Variants in TNFRSF11B observed in about 807,000 individuals in gnomAD.
TNFRSF11B encodes the protein TNF receptor superfamily member 11b, also known as tumor necrosis factor receptor superfamily member 11B.
Under a neutral mutation model 43.4 loss-of-function variants are expected in TNFRSF11B, and 16 were observed. The observed-to-expected ratio is 0.37, with a 90% confidence interval of 0.25 to 0.56. The LOEUF (loss-of-function observed/expected upper bound fraction) is 0.56. Among genes scored for constraint, TNFRSF11B ranks in the 20% least tolerant of loss-of-function variants. TNFRSF11B has a pLI of 0.80. For synonymous variants in TNFRSF11B, 185 were observed against 181.8 expected (o/e 1.02, Z -0.14); for missense variants, 444 against 490.1 (o/e 0.91, Z 0.89).
chr8:118,927,000 C>T (rs1812254601), intron 3 of TNFRSF11B, among the ~76,000 whole-genome samples: 1 of 151,928 alleles, frequency 6.6e-6, no homozygotes, highest in South Asian at 2.1e-4. Flanking sequence ...TAAGTAACAG[C>T]CAAAAATTCT....
At chr8:118,926,084 G>T (rs746098937) in intron 4 of TNFRSF11B, among the ~76,000 whole-genome samples, 4 of 152,148 alleles carry the variant, frequency 2.6e-5, no homozygotes, top group Non-Finnish European at 5.9e-5. Context: ...TACCTGGAGA[G>T]AATTACCAAG....
intron 3 of TNFRSF11B, among the ~76,000 whole-genome samples, chr8:118,927,032 C>T (rs1324342331): frequency 2.0e-5 from 3 of 152,040 alleles, no homozygotes; most frequent in African/African-American, 7.3e-5. Flanking sequence ...CAAACATTAA[C>T]ATTCTATTAA....
chr8:118,946,262 T>C (rs1812559724), intron 1 of TNFRSF11B, among the ~76,000 whole-genome samples: 1 of 152,184 alleles, frequency 6.6e-6, no homozygotes, highest in Non-Finnish European at 1.5e-5. Context: ...TAGACTGTTC[T>C]AGCCTCAGAA....
chr8:118,929,966 A>G (rs1812303646), intron 2 of TNFRSF11B, among the ~76,000 whole-genome samples: 1 of 152,212 alleles, frequency 6.6e-6, no homozygotes, highest in South Asian at 2.1e-4. Flanking sequence ...TCTTTTACCA[A>G]AACCAGAAAA....
At chr8:118,928,987 C>A (rs1812287908) in intron 2 of TNFRSF11B, 58 bp from the exon 3 acceptor site, 2 of 1,508,950 alleles carry the variant, frequency 1.3e-6, no homozygotes, top group South Asian at 2.3e-5. Flanking sequence ...CCAGCAGATG[C>A]CCTCTTAACA....
At position 118,923,990 on chromosome 8, in the gene TNFRSF11B, G is replaced by GA. The variant is rs1433419185; in HGVS notation, c.*383dup. ...TACAGATATATTAGTAACTTTTACAGAAAAAAATATGGCTTTCTAATAAAA... is the reference window on the plus strand; with the variant it reads ...TACAGATATATTAGTAACTTTTACAGAAAAAAAATATGGCTTTCTAATAAAA... On this transcript the variant is annotated 3_prime_UTR_variant, in exon 5 of 5. Transcript: ENST00000297350. The GA allele has an allele frequency of 1.7e-5, 3 of 180,618 alleles. No homozygotes were observed. Among genetic ancestry groups the GA allele is most frequent in the South Asian group, 1.2e-4 (1 of 8,554 alleles). 11.2% of individuals were successfully genotyped at this position (180,618 alleles called of 1,614,324 possible).
rs768958012 is a variant in TNFRSF11B at position 118,924,373 on chromosome 8, G to A, written c.*1C>T. Reference sequence around the variant, plus strand: ...GGAAACAGCTCAATGGCCATTTCCAGTTATAAGCAGCTTATTTTTACTGAT... The same window carrying A: ...GGAAACAGCTCAATGGCCATTTCCAATTATAAGCAGCTTATTTTTACTGAT... On this transcript the variant is annotated 3_prime_UTR_variant, in exon 5 of 5. Transcript: ENST00000297350. 4.3e-6 allele frequency: 7 copies of A among 1,613,934 alleles called. No homozygotes were observed. The African/African-American group carries it at 6.7e-5, about 15-fold the overall frequency.
intron 1 of TNFRSF11B, among the ~76,000 whole-genome samples, chr8:118,936,637 T>C (rs551004731): frequency 6.6e-6 from 1 of 152,146 alleles, no homozygotes; most frequent in South Asian, 2.1e-4. Flanking sequence ...AATAAAACCT[T>C]AAAAATTCAT....
At chr8:118,948,219 G>A (rs1168048442) in intron 1 of TNFRSF11B, among the ~76,000 whole-genome samples, 1 of 152,036 alleles carries the variant, frequency 6.6e-6, no homozygotes, top group Non-Finnish European at 1.5e-5. Context: ...CATCAGTCAA[G>A]GCTTTAATGC....
chr8:118,950,058 T>C (rs572493454), intron 1 of TNFRSF11B, among the ~76,000 whole-genome samples: 6 of 152,234 alleles, frequency 3.9e-5, no homozygotes, highest in Non-Finnish European at 8.8e-5. Context: ...ATCTACATGT[T>C]TGTCTATCTT....
chr8:118,943,038 G>A (rs189426305), intron 1 of TNFRSF11B, among the ~76,000 whole-genome samples: 74 of 151,416 alleles, frequency 4.9e-4, no homozygotes, highest in East Asian at 2.5e-3. Context: ...TTCCTCTCTC[G>A]TCCTAAAATA....
At chr8:118,929,219 A>G in intron 2 of TNFRSF11B, 1 of 460,666 alleles carries the variant, frequency 2.2e-6, no homozygotes, top group Non-Finnish European at 4.0e-6. Flanking sequence ...GGTGTTCATT[A>G]GTCCAGCCTC....
intron 1 of TNFRSF11B, among the ~76,000 whole-genome samples, chr8:118,936,897 G>C (rs751028358): frequency 2.0e-5 from 3 of 152,158 alleles, no homozygotes; most frequent in Non-Finnish European, 4.4e-5. Flanking sequence ...TTCTTTCTGT[G>C]TTCTTTCTTT....
At position 118,926,528 on chromosome 8, in the gene TNFRSF11B, G is replaced by T. The variant is rs61761330; in HGVS notation, c.783C>A (p.Asn261Lys). 3.1e-6 allele frequency: 5 copies of T among 1,613,972 alleles called. No homozygotes were observed. In the East Asian group the frequency reaches 1.1e-4, roughly 36 times the overall value. ...FQLLKLWKHQ[N>K]KDQDIVKKII... Reference sequence around the variant, plus strand: ...TCTTCTTGACTATATCTTGGTCTTTGTTTTGATGTTTCCATAACTTCAGCA... The same window carrying T: ...TCTTCTTGACTATATCTTGGTCTTTTTTTTGATGTTTCCATAACTTCAGCA... The change falls in exon 4 of 5, where the codon AAC becomes AAA. Residue 261 changes from asparagine to lysine, a missense_variant. Physicochemically the swap from Asn to Lys is moderately conservative, Grantham distance 94. Coordinates refer to ENST00000297350, the MANE Select transcript of TNFRSF11B (RefSeq NM_002546.4).
intron 1 of TNFRSF11B, among the ~76,000 whole-genome samples, chr8:118,937,670 T>A (rs1812422637): frequency 6.6e-6 from 1 of 152,196 alleles, no homozygotes; most frequent in Non-Finnish European, 1.5e-5. Context: ...AGCCTTTCCC[T>A]TACCCTCCAA....
At chr8:118,942,993 C>T (rs981496911) in intron 1 of TNFRSF11B, among the ~76,000 whole-genome samples, 1 of 152,136 alleles carries the variant, frequency 6.6e-6, no homozygotes, top group Non-Finnish European at 1.5e-5. Flanking sequence ...ATCCATCCAC[C>T]TATCTACTCA....
At chr8:118,939,935 G>T (rs1054301378) in intron 1 of TNFRSF11B, among the ~76,000 whole-genome samples, 1 of 152,156 alleles carries the variant, frequency 6.6e-6, no homozygotes, top group Admixed American at 6.5e-5. Context: ...TTAAATAAAA[G>T]AGATAGCACA....
At chr8:118,930,932 T>C (rs1330705863) in intron 2 of TNFRSF11B, among the ~76,000 whole-genome samples, 1 of 152,226 alleles carries the variant, frequency 6.6e-6, no homozygotes, top group East Asian at 1.9e-4. Context: ...CCTCTATAAC[T>C]GATGGTACTT....
chr8:118,933,150 C>G lies in TNFRSF11B; in HGVS notation c.181G>C (p.Val61Leu), dbSNP rs754063545. The change falls in exon 2 of 5, where the codon GTG becomes CTG. Residue 61 changes from valine to leucine, a missense_variant. Val to Leu is a conservative substitution (Grantham distance 32, BLOSUM62 1). Coordinates refer to ENST00000297350, the MANE Select transcript of TNFRSF11B (RefSeq NM_002546.4). ...TAGTGGTCAGGGCAAGGGGCGCACA[C>G]GGTCTTCCACTTTGCTGTACAGTGT... ...KQHCTAKWKT[V>L]CAPCPDHYYT... The G allele has an allele frequency of 6.2e-7, 1 of 1,614,168 alleles. No individual in the cohort carries two copies. The highest frequency in any genetic ancestry group is 1.1e-5 in the South Asian group (1 of 91,084).
Sources: gnomAD v4.1 joint callset for allele counts (sites outside exome capture counted in the v4.1 genomes callset) on GRCh38, gnomAD v4.1.1 for gene constraint, MANE v1.5 for transcripts, NCBI Gene and HGNC (gene_info 2026-07-23, HGNC 2026-07-21) for gene names.